ATP13A5: variants seen among roughly 807,000 people sequenced by gnomAD.
ATP13A5 encodes probable cation-transporting ATPase 13A5.
A neutral mutation model predicts 150.2 loss-of-function variants in ATP13A5; 149 were observed. The observed-to-expected ratio is 0.99, with a 90% CI of 0.87 to 1.14. The LOEUF (loss-of-function observed/expected upper bound fraction) is 1.14, where lower values mean the gene tolerates loss of function less well. ATP13A5 is among the 50% of genes most tolerant of loss of function. ATP13A5 has a pLI of 0.00. For missense variants in ATP13A5, 1,383 were observed against 1,449.3 expected (o/e 0.95, Z 0.74); for synonymous variants, 497 against 522.2 (o/e 0.95, Z 0.66).
intron 24 of ATP13A5, among the ~76,000 whole-genome samples, chr3:193,300,839 C>T (rs1489264350): frequency 6.6e-6 from 1 of 152,178 alleles, no homozygotes; most frequent in Non-Finnish European, 1.5e-5. Flanking sequence ...AGCTTCTCTT[C>T]CTTTTTATCT....
intron 19 of ATP13A5, 135 bp downstream of exon 19, chr3:193,313,898 G>A (rs985548203): frequency 3.8e-6 from 4 of 1,058,042 alleles, no homozygotes; most frequent in Non-Finnish European, 5.3e-6. Context: ...GAAATGCTTT[G>A]CAAACTGTCA....
At position 193,376,970 on chromosome 3, in the gene ATP13A5, C is replaced by T. The variant is rs115743410; in HGVS notation, c.63+1693G>A. Among the ~76,000 whole-genome samples, 512 of 152,246 alleles carry T rather than the reference C, an allele frequency of 3.4e-3. 4 individuals are homozygous for T. Among genetic ancestry groups the T allele is most frequent in the African/African-American group, 0.012 (493 of 41,538 alleles). ...ACAATGAGTTAAGCTTACTTGGATT[C>T]CTAATAGACATTTCTGGTGAGTGTC... is the stretch of plus-strand genomic sequence containing the variant. On this transcript the variant is annotated intron_variant, in intron 1 of 29. Coordinates refer to ENST00000342358, the MANE Select transcript of ATP13A5 (RefSeq NM_198505.4).
intron 7 of ATP13A5, among the ~76,000 whole-genome samples, chr3:193,347,310 A>G (rs1179258116): frequency 1.3e-5 from 2 of 151,404 alleles, no homozygotes; most frequent in East Asian, 1.9e-4. Flanking sequence ...AAATAATTCT[A>G]TGATGAAAAT....
chr3:193,360,137 A>G (rs1255822596), intron 5 of ATP13A5, among the ~76,000 whole-genome samples: 2 of 152,220 alleles, frequency 1.3e-5, no homozygotes, highest in African/African-American at 4.8e-5. Context: ...GTTTGAGTTC[A>G]GTTCATGACG....
At chr3:193,292,670 A>G (rs1718013630) in intron 25 of ATP13A5, among the ~76,000 whole-genome samples, 2 of 152,284 alleles carry the variant, frequency 1.3e-5, no homozygotes, top group Non-Finnish European at 2.9e-5. Context: ...GCATTAACCA[A>G]GATCAACTGA....
At chr3:193,330,193 C>T (rs1447341710) in intron 12 of ATP13A5, among the ~76,000 whole-genome samples, 1 of 152,172 alleles carries the variant, frequency 6.6e-6, no homozygotes, top group East Asian at 1.9e-4. Flanking sequence ...TGGCCTCCAA[C>T]CGTGGCAGGT....
chr3:193,373,215 T>G (rs1713514285), intron 1 of ATP13A5, among the ~76,000 whole-genome samples: 2 of 152,200 alleles, frequency 1.3e-5, no homozygotes, highest in South Asian at 4.1e-4. Flanking sequence ...CTCGGCTCAC[T>G]GCAACCTCTG....
At chr3:193,313,837 G>A in intron 19 of ATP13A5, 196 bp downstream of exon 19, 1 of 599,924 alleles carries the variant, frequency 1.7e-6, no homozygotes, top group Non-Finnish European at 2.8e-6. Context: ...AGCCTGCACT[G>A]GAAGCTTAGA....
intron 1 of ATP13A5, among the ~76,000 whole-genome samples, chr3:193,366,663 C>T (rs1413250535): frequency 2.6e-5 from 4 of 151,816 alleles, no homozygotes; most frequent in Non-Finnish European, 4.4e-5. Flanking sequence ...AGCACATCCC[C>T]CCTCTCAATA....
intron 25 of ATP13A5, among the ~76,000 whole-genome samples, chr3:193,294,723 G>A (rs1014618494): frequency 6.6e-6 from 1 of 152,034 alleles, no homozygotes; most frequent in Non-Finnish European, 1.5e-5. Flanking sequence ...TTACAATGGG[G>A]TTACATTCTG....
rs191575725 is a variant in ATP13A5 at position 193,309,298 on chromosome 3, C to A, written c.2525+1340G>T. The stretch of plus-strand genomic sequence containing the variant: ...AGACCAGAAATTATTCACATATCTT[C>A]TAATGGACCAACCTAAAATAATTCC... On this transcript the variant is annotated intron_variant, in intron 21 of 29. Coordinates refer to ENST00000342358, the MANE Select transcript of ATP13A5 (RefSeq NM_198505.4). Among the ~76,000 whole-genome samples, 13 of 152,316 alleles carry A rather than the reference C, an allele frequency of 8.5e-5. No homozygotes were observed. The East Asian group carries it at 2.5e-3, about 29-fold the overall frequency.
intron 1 of ATP13A5, among the ~76,000 whole-genome samples, chr3:193,367,337 T>A (rs1428495592): frequency 1.3e-5 from 2 of 152,076 alleles, no homozygotes; most frequent in Non-Finnish European, 2.9e-5. Context: ...AGAAAATTAA[T>A]ATGCAATTTA....
intron 6 of ATP13A5, among the ~76,000 whole-genome samples, chr3:193,353,452 T>A (rs1372070709): frequency 1.4e-4 from 21 of 152,172 alleles, no homozygotes; most frequent in Non-Finnish European, 5.9e-5. Context: ...AAAGAATACA[T>A]TTCAAATCCT....
chr3:193,335,145 T>C (rs1446168012), intron 9 of ATP13A5, 46 bp from the exon 10 acceptor site: 2 of 1,576,142 alleles, frequency 1.3e-6, no homozygotes, highest in East Asian at 4.5e-5. Flanking sequence ...CTCAGGTAGT[T>C]GGTCAGAACT....
In ATP13A5 at chr3:193,299,446, C is replaced by T. The variant is rs376359171; in HGVS notation, c.2776-243G>A. Among the ~76,000 whole-genome samples, 7 of 152,146 alleles carry T rather than the reference C, an allele frequency of 4.6e-5. No homozygotes were observed. In the East Asian group the frequency reaches 1.2e-3, roughly 25 times the overall value. ...AAGTCAATTATTTGAGAACCACCCT[C>T]CTATTGGGTGCATTAATTACCTGAC... On this transcript the variant is annotated intron_variant, in intron 24 of 29. Coordinates refer to ENST00000342358, the MANE Select transcript of ATP13A5 (RefSeq NM_198505.4).
At chr3:193,305,752 C>A (rs1357704907) in intron 22 of ATP13A5, 84 bp from the exon 23 acceptor site, 2 of 1,149,452 alleles carry the variant, frequency 1.7e-6, no homozygotes, top group South Asian at 1.2e-5. Flanking sequence ...TTCTTCACAT[C>A]ATAAAGGTAT....
At chr3:193,362,773 CTTTCTTTCT>C in intron 3 of ATP13A5, 136 bp from the exon 4 acceptor site, 2 of 441,534 alleles carry the variant, frequency 4.5e-6, no homozygotes, top group Non-Finnish European at 8.0e-6. Flanking sequence ...TTCTTTCTTT[CTTTCTTTCT>C]TTCTTTCTTT....
At chr3:193,336,311 A>G (rs936876377) in intron 9 of ATP13A5, among the ~76,000 whole-genome samples, 3 of 152,172 alleles carry the variant, frequency 2.0e-5, no homozygotes, top group African/African-American at 7.2e-5. Flanking sequence ...ATATGTATAC[A>G]TGTGCCATGC....
chr3:193,345,729 A>T (rs993092013), intron 7 of ATP13A5, among the ~76,000 whole-genome samples: 17 of 152,304 alleles, frequency 1.1e-4, no homozygotes, highest in African/African-American at 4.1e-4. Context: ...TTGGTCCACA[A>T]GGACTCAAAT....
Sources: gnomAD v4.1 joint callset for allele counts (sites outside exome capture counted in the v4.1 genomes callset) on GRCh38, gnomAD v4.1.1 for gene constraint, MANE v1.5 for transcripts, NCBI Gene and HGNC (gene_info 2026-07-23, HGNC 2026-07-21) for gene names.